The following CPEB3 variants were observed in gnomAD, a reference collection of about 807,000 sequenced individuals.
CPEB3 encodes cytoplasmic polyadenylation element binding protein 3.
In CPEB3, 20 loss-of-function variants were observed where a neutral mutation model predicts 67.2. The observed-to-expected ratio is 0.30, with a 90% CI of 0.21 to 0.43. The LOEUF (loss-of-function observed/expected upper bound fraction) is 0.43. CPEB3 is among the 20% of genes least tolerant of loss of function. CPEB3 has a pLI of 1.00. For synonymous variants in CPEB3, 376 were observed against 393.1 expected, an observed-to-expected ratio of 0.96 and a Z score of 0.51; for missense variants, 746 against 968.6, an observed-to-expected ratio of 0.77 and a Z score of 3.05.
At chr10:92,068,226 A>C (rs1195893437) in intron 9 of CPEB3, among the ~76,000 whole-genome samples, 1 of 152,186 alleles carries the variant, frequency 6.6e-6, no homozygotes, top group Non-Finnish European at 1.5e-5. Flanking sequence ...GTGGGCTGAC[A>C]GTATCTGGCA....
At chr10:92,147,862 C>A (rs1212274622) in intron 4 of CPEB3, among the ~76,000 whole-genome samples, 3 of 152,070 alleles carry the variant, frequency 2.0e-5, no homozygotes, top group Non-Finnish European at 4.4e-5. Flanking sequence ...CAAAATTGCT[C>A]CTTCTCTAAT....
intron 7 of CPEB3, among the ~76,000 whole-genome samples, chr10:92,096,033 ATTT>A (rs11335065): frequency 1.3e-4 from 13 of 102,572 alleles, no homozygotes; most frequent in Non-Finnish European, 1.2e-4. Flanking sequence ...CACCTGGCTG[ATTT>A]TTTTTTTTTT....
At chr10:92,164,130 C>T (rs1486528298) in intron 4 of CPEB3, among the ~76,000 whole-genome samples, 1 of 152,118 alleles carries the variant, frequency 6.6e-6, no homozygotes, top group Non-Finnish European at 1.5e-5. Context: ...ATGTTCCAGG[C>T]ATATGCTAAG....
chr10:92,154,437 T>C (rs1847110052), intron 4 of CPEB3, among the ~76,000 whole-genome samples: 1 of 152,234 alleles, frequency 6.6e-6, no homozygotes, highest in South Asian at 2.1e-4. Context: ...TCAACTACAT[T>C]ACTAGAAGCA....
At chr10:92,122,980 C>T (rs1456406281) in intron 6 of CPEB3, among the ~76,000 whole-genome samples, 1 of 152,218 alleles carries the variant, frequency 6.6e-6, no homozygotes, top group African/African-American at 2.4e-5. Context: ...GAGGCTGAGA[C>T]TTGATTCTAG....
At chr10:92,284,329 G>A (rs780265411) in intron 1 of CPEB3, among the ~76,000 whole-genome samples, 26 of 151,478 alleles carry the variant, frequency 1.7e-4, no homozygotes, top group East Asian at 5.9e-4. Context: ...GAGCCACCAC[G>A]CCCGGCCAGA....
At position 92,145,051 on chromosome 10, in the gene CPEB3, G is replaced by A. The variant is rs1846612749; in HGVS notation, c.1257C>T (p.Ala419=). Residue 419 remains alanine, a synonymous_variant, in exon 5 of 10, where the codon GCC becomes GCT. Transcript: ENST00000265997. ...AFLDDSHGDQ[A]LSSGLSSPTR... The stretch of plus-strand genomic sequence containing the variant: ...TGGGAGAACTTAAGCCAGATGACAA[G>A]GCTTGATCACCATGGCTATCATCCA... 3.1e-6 allele frequency: 5 copies of A among 1,614,000 alleles called. No individual in the cohort carries two copies. Among genetic ancestry groups the A allele is most frequent in the Non-Finnish European group, 4.2e-6 (5 of 1,179,872 alleles).
At chr10:92,252,415 C>T (rs192584087) in intron 1 of CPEB3, among the ~76,000 whole-genome samples, 1 of 152,188 alleles carries the variant, frequency 6.6e-6, no homozygotes, top group East Asian at 1.9e-4. Context: ...ATTCACAAAC[C>T]TTATGACCCA....
rs1841915422 is a variant in CPEB3, at chr10:92,052,115, G to A, written c.*97C>T. The A allele has an allele frequency of 1.4e-6, 1 of 715,828 alleles. No individual in the cohort carries two copies. The highest frequency in any genetic ancestry group is 1.8e-5 in the African/African-American group (1 of 55,950). 44.3% of individuals were successfully genotyped at this position (715,828 alleles called of 1,614,324 possible). ...TCTTCTTTAAAAATCGAGAACGAAT[G>A]CACAGATTTCCAGAACACTGTAAGC... On this transcript the variant is annotated 3_prime_UTR_variant, in exon 10 of 10. Transcript: ENST00000265997.
intron 1 of CPEB3, among the ~76,000 whole-genome samples, chr10:92,252,383 G>A (rs547661519): frequency 5.3e-5 from 8 of 152,154 alleles, no homozygotes; most frequent in Non-Finnish European, 1.2e-4. Flanking sequence ...AAATCATTTA[G>A]CAGTGTCTAT....
At chr10:92,140,466 T>C (rs1226499846) in intron 6 of CPEB3, among the ~76,000 whole-genome samples, 1 of 152,104 alleles carries the variant, frequency 6.6e-6, no homozygotes, top group Non-Finnish European at 1.5e-5. Context: ...TTACACCTTA[T>C]ACAAAAATTA....
intron 1 of CPEB3, among the ~76,000 whole-genome samples, chr10:92,285,464 T>C (rs923934271): frequency 3.3e-5 from 5 of 152,026 alleles, no homozygotes; most frequent in Non-Finnish European, 7.4e-5. Context: ...AGAGATGGAG[T>C]TTCACCATGT....
At chr10:92,057,428 A>C (rs1842153755) in intron 9 of CPEB3, among the ~76,000 whole-genome samples, 1 of 152,220 alleles carries the variant, frequency 6.6e-6, no homozygotes, top group Admixed American at 6.5e-5. Context: ...GCTCAGTCAC[A>C]ATACAATAGA....
chr10:92,284,157 G>A (rs949044749), intron 1 of CPEB3, among the ~76,000 whole-genome samples: 1 of 151,374 alleles, frequency 6.6e-6, no homozygotes, highest in Non-Finnish European at 1.5e-5. Context: ...TCCTGCCTTA[G>A]CCTCTTGACT....
chr10:92,100,963 T>A (rs1844158900), intron 7 of CPEB3, among the ~76,000 whole-genome samples: 1 of 152,186 alleles, frequency 6.6e-6, no homozygotes, highest in African/African-American at 2.4e-5. Flanking sequence ...CAGCTAGAGT[T>A]CTCTCAGTTA....
At chr10:92,057,248 G>C (rs1266432366) in intron 9 of CPEB3, among the ~76,000 whole-genome samples, 1 of 152,186 alleles carries the variant, frequency 6.6e-6, no homozygotes, top group East Asian at 1.9e-4. Flanking sequence ...TGAAATATGG[G>C]TTGCAGGCCA....
At chr10:92,153,626 CA>C (rs1847067340) in intron 4 of CPEB3, among the ~76,000 whole-genome samples, 1 of 152,004 alleles carries the variant, frequency 6.6e-6, no homozygotes, top group African/African-American at 2.4e-5. Context: ...ACTAAAAATA[CA>C]AAAACTAGCC....
intron 2 of CPEB3, among the ~76,000 whole-genome samples, chr10:92,194,485 T>C (rs1413039931): frequency 1.3e-5 from 2 of 151,846 alleles, no homozygotes; most frequent in East Asian, 3.9e-4. Flanking sequence ...ATGAAGATAA[T>C]GGCAAAAAGG....
intron 7 of CPEB3, among the ~76,000 whole-genome samples, chr10:92,101,704 C>T (rs549235625): frequency 4.6e-5 from 7 of 152,198 alleles, no homozygotes; most frequent in Admixed American, 2.0e-4. Flanking sequence ...GTCAGGAGTT[C>T]GAGACCAGCC....
Sources: allele counts gnomAD v4.1 joint callset (sites outside exome capture counted in the v4.1 genomes callset), GRCh38; gene constraint gnomAD v4.1.1; transcripts MANE v1.5; gene names NCBI Gene and HGNC (gene_info 2026-07-23, HGNC 2026-07-21).